The following SPHKAP variants were observed in gnomAD, a reference collection of about 807,000 sequenced individuals.
The protein encoded by SPHKAP is SPHK1 interactor, AKAP domain containing.
In SPHKAP, 67 loss-of-function variants were observed where a neutral mutation model predicts 137.5. That is an observed-to-expected ratio of 0.49 (90% CI 0.40 to 0.60). The LOEUF is 0.60. Ranked by LOEUF, SPHKAP falls within the 20% of genes least tolerant of loss-of-function variation. The pLI, the probability that SPHKAP is intolerant of heterozygous loss-of-function variation, is 0.00. For missense variants in SPHKAP, 2,097 were observed against 2,069.3 expected, an observed-to-expected ratio of 1.01 and a Z score of -0.26; for synonymous variants, 813 against 785.3, an observed-to-expected ratio of 1.04 and a Z score of -0.59.
chr2:228,040,757 G>A (rs1403204434), intron 3 of SPHKAP, among the ~76,000 whole-genome samples: 1 of 151,994 alleles, frequency 6.6e-6, no homozygotes, highest in Non-Finnish European at 1.5e-5. Context: ...AAAAAAATAA[G>A]TATGCACTCA....
At chr2:228,048,506 T>A (rs913192831) in intron 3 of SPHKAP, among the ~76,000 whole-genome samples, 2 of 152,180 alleles carry the variant, frequency 1.3e-5, no homozygotes, top group African/African-American at 4.8e-5. Context: ...TGAAGTACAG[T>A]CATACACCTC....
Position 228,108,872 on chromosome 2 carries a change from TGGCAGG to T in SPHKAP, c.200_205del (p.Pro67_Cys68del). On this transcript the variant is annotated inframe_deletion, in exon 3 of 12. Transcript: ENST00000392056. ...AGACTTGTCTTCTACAAAACCAATT[TGGCAGG>T]GCATCCTCTGATTCTGCAACCAGTA... is the stretch of plus-strand genomic sequence containing the variant. 6.2e-7 allele frequency: 1 copy of T among 1,610,656 alleles called. No individual in the cohort carries two copies. The highest frequency in any genetic ancestry group is 8.5e-7 in the Non-Finnish European group (1 of 1,179,256).
In SPHKAP at chr2:228,163,783, A is replaced by G. The variant is rs116251709; in HGVS notation, c.32+17784T>C. Among the ~76,000 whole-genome samples the G allele has an allele frequency of 3.1e-3, 467 of 152,298 alleles. 4 individuals are homozygous for G. Among genetic ancestry groups the G allele is most frequent in the African/African-American group, 0.011 (459 of 41,570 alleles). On this transcript the variant is annotated intron_variant, in intron 1 of 11. Transcript: ENST00000392056. ...TGTTTCCAGATGTCCTTGAAACTCA[A>G]TAAGATGCTTTTAAAATGTCATCTT...
chr2:228,155,684 G>A (rs1053624934), intron 1 of SPHKAP, among the ~76,000 whole-genome samples: 1 of 152,090 alleles, frequency 6.6e-6, no homozygotes. Context: ...ACTGAATTAA[G>A]AGCAAAAAGT....
intron 7 of SPHKAP, among the ~76,000 whole-genome samples, chr2:228,006,131 G>C (rs545578613): frequency 5.9e-5 from 9 of 152,188 alleles, no homozygotes; most frequent in Non-Finnish European, 8.8e-5. Context: ...ATTCTGCAGA[G>C]TGTTTTCCAA....
intron 3 of SPHKAP, among the ~76,000 whole-genome samples, chr2:228,074,802 T>G (rs1358184665): frequency 6.6e-6 from 1 of 152,152 alleles, no homozygotes; most frequent in Non-Finnish European, 1.5e-5. Context: ...TTCTTTATAA[T>G]TTTCTTCCTT....
intron 3 of SPHKAP, among the ~76,000 whole-genome samples, chr2:228,048,504 A>G (rs1272271958): frequency 6.6e-6 from 1 of 152,202 alleles, no homozygotes; most frequent in African/African-American, 2.4e-5. Flanking sequence ...GCTGAAGTAC[A>G]GTCATACACC....
intron 3 of SPHKAP, among the ~76,000 whole-genome samples, chr2:228,073,285 T>A (rs6717664): frequency 6.6e-5 from 10 of 152,308 alleles, no homozygotes; most frequent in African/African-American, 2.4e-4. Flanking sequence ...GGGCTTCAAA[T>A]TGAATAAGTG....
In SPHKAP at chr2:227,980,736, G is replaced by A. The variant is rs888367629; in HGVS notation, c.*981C>T. Reference sequence around the variant, plus strand: ...CTGGAGCGGCATGTCTGCTGTACAGGTAGCAGCACATACGTGATGAAACAG... The same window carrying A: ...CTGGAGCGGCATGTCTGCTGTACAGATAGCAGCACATACGTGATGAAACAG... On this transcript the variant is annotated 3_prime_UTR_variant, in exon 12 of 12. Transcript: ENST00000392056. The A allele has an allele frequency of 2.0e-5, 3 of 152,088 alleles. No individual in the cohort carries two copies. The highest frequency in any genetic ancestry group is 4.4e-5 in the Non-Finnish European group (3 of 68,024). The allele number at this position is 152,088 out of a possible 1,614,324, so 9.4% of individuals were successfully genotyped here.
rs377514627 is a variant in SPHKAP at position 228,130,048 on chromosome 2, G to A, written c.138+1932C>T. 2.5e-4 allele frequency among the ~76,000 whole-genome samples: 38 copies of A among 152,090 alleles called. 1 individual carries two copies. The South Asian group carries it at 7.3e-3, about 29-fold the overall frequency. ...TGACCTCAGGTGATCCGCCCACCTC[G>A]TACTCCCAAAGTGCTGGGATTACAG... On this transcript the variant is annotated intron_variant, in intron 2 of 11. Coordinates refer to ENST00000392056, the MANE Select transcript of SPHKAP (RefSeq NM_001142644.2).
chr2:228,039,754 T>C (rs1695768966), intron 3 of SPHKAP, among the ~76,000 whole-genome samples: 1 of 152,192 alleles, frequency 6.6e-6, no homozygotes, highest in South Asian at 2.1e-4. Context: ...AATCAGTGCT[T>C]TTATATAAGA....
chr2:228,048,402 C>G (rs1470592578), intron 3 of SPHKAP, among the ~76,000 whole-genome samples: 1 of 152,062 alleles, frequency 6.6e-6, no homozygotes, highest in Non-Finnish European at 1.5e-5. Flanking sequence ...CCTCTTTAAT[C>G]TTTCAACTCC....
At chr2:228,035,339 T>A (rs1695544213) in intron 3 of SPHKAP, among the ~76,000 whole-genome samples, 1 of 152,022 alleles carries the variant, frequency 6.6e-6, no homozygotes, top group Non-Finnish European at 1.5e-5. Flanking sequence ...GTGAAGGACC[T>A]CTTCAAGGAG....
Position 228,020,469 on chromosome 2 carries a change from C to T in SPHKAP, c.698-313G>A, listed in dbSNP as rs1452140015. ...TATTCTGAGCAAAGTATCACAAGGA[C>T]AGAAAACCAAACACCGCATGTTCTC... On this transcript the variant is annotated intron_variant, in intron 6 of 11. Coordinates refer to ENST00000392056, the MANE Select transcript of SPHKAP (RefSeq NM_001142644.2). Among the ~76,000 whole-genome samples, 60 of 152,068 alleles carry T rather than the reference C, an allele frequency of 3.9e-4. 2 individuals carry two copies. Among genetic ancestry groups the T allele is most frequent in the Admixed American group, 3.9e-3 (60 of 15,270 alleles).
intron 3 of SPHKAP, among the ~76,000 whole-genome samples, chr2:228,096,998 A>T (rs1160039032): frequency 6.6e-6 from 1 of 152,190 alleles, no homozygotes; most frequent in Non-Finnish European, 1.5e-5. Flanking sequence ...TTTTTAAGCT[A>T]TCACTTCTAA....
At position 228,131,878 on chromosome 2, in the gene SPHKAP, T is replaced by C. The variant is rs867376849; in HGVS notation, c.138+102A>G. ...AAACCGTGAGCCATTTTGTTGTTTG[T>C]TTTTATTGTTGTTTCTACTTTAGGA... On this transcript the variant is annotated intron_variant, in intron 2 of 11. Coordinates refer to ENST00000392056, the MANE Select transcript of SPHKAP (RefSeq NM_001142644.2). 75 of 1,461,250 alleles carry C rather than the reference T, an allele frequency of 5.1e-5. 1 individual carries two copies. In the Middle Eastern group the frequency reaches 1.0e-3, roughly 20 times the overall value. The allele number at this position is 1,461,250 out of a possible 1,614,324, so 90.5% of individuals were successfully genotyped here. A position where few individuals can be genotyped will look rare whatever the true frequency, so the allele number is the denominator to read the frequency against.
chr2:228,094,877 G>A (rs1488648327), intron 3 of SPHKAP, among the ~76,000 whole-genome samples: 4 of 152,112 alleles, frequency 2.6e-5, no homozygotes, highest in Non-Finnish European at 1.5e-5. Flanking sequence ...GCGACTTTTT[G>A]AGGTTGCTGG....
intron 3 of SPHKAP, among the ~76,000 whole-genome samples, chr2:228,040,964 G>T (rs10180525): frequency 0.38 from 58,177 of 151,922 alleles, 11,596 homozygotes; most frequent in South Asian, 0.51. Flanking sequence ...AAGTAATTAT[G>T]TGGACTAGAA....
At chr2:228,154,056 C>T (rs911091745) in intron 1 of SPHKAP, among the ~76,000 whole-genome samples, 1 of 152,026 alleles carries the variant, frequency 6.6e-6, no homozygotes, top group Non-Finnish European at 1.5e-5. Context: ...AAAAAAGCAA[C>T]TTAAAAATGA....
Sources: gnomAD v4.1 joint callset for allele counts (sites outside exome capture counted in the v4.1 genomes callset) on GRCh38, gnomAD v4.1.1 for gene constraint, MANE v1.5 for transcripts, NCBI Gene and HGNC (gene_info 2026-07-23, HGNC 2026-07-21) for gene names.